Variants in STAG1 observed in about 807,000 individuals in gnomAD.
STAG1 encodes the protein STAG1 cohesin complex component, also known as cohesin subunit SA-1.
In STAG1, 26 loss-of-function variants were observed where a neutral mutation model predicts 170.9. That is an observed-to-expected ratio of 0.15 (90% CI 0.11 to 0.21). The LOEUF (loss-of-function observed/expected upper bound fraction) is 0.21, where lower values mean the gene tolerates loss of function less well. Ranked by LOEUF, STAG1 falls within the 10% of genes least tolerant of loss-of-function variation. The pLI is 1.00. For missense variants in STAG1, 964 were observed against 1,509.5 expected (o/e 0.64, Z 5.99); for synonymous variants, 514 against 497.7 (o/e 1.03, Z -0.44).
chr3:136,732,045 G>A (rs1415330658), intron 1 of STAG1, among the ~76,000 whole-genome samples: 1 of 151,974 alleles, frequency 6.6e-6, no homozygotes, highest in African/African-American at 2.4e-5. Flanking sequence ...GGAAATCTTG[G>A]AAACCAGCTA....
rs574029206 is a variant in STAG1, at chr3:136,547,197, C to T, written c.395-5002G>A. On this transcript the variant is annotated intron_variant, in intron 5 of 33. Coordinates refer to ENST00000383202, the MANE Select transcript of STAG1 (RefSeq NM_005862.3). Reference sequence around the variant, plus strand: ...AAGTTACAAAGATAGTATAGAGATCCCATACACATCAGATTCAGTATCCCT... The same window carrying T: ...AAGTTACAAAGATAGTATAGAGATCTCATACACATCAGATTCAGTATCCCT... Among the ~76,000 whole-genome samples the T allele has an allele frequency of 5.3e-5, 8 of 152,176 alleles. No individual in the cohort carries two copies. The South Asian group carries it at 1.7e-3, about 32-fold the overall frequency.
intron 1 of STAG1, among the ~76,000 whole-genome samples, chr3:136,747,441 C>A (rs1377007103): frequency 6.6e-6 from 1 of 152,178 alleles, no homozygotes; most frequent in East Asian, 1.9e-4. Context: ...GTAATCCCAG[C>A]ACCTTGGGAG....
intron 2 of STAG1, 128 bp downstream of exon 2, chr3:136,630,742 C>CA (rs1369045505): frequency 1.4e-5 from 10 of 733,712 alleles, no homozygotes; most frequent in Non-Finnish European, 2.3e-5. Flanking sequence ...ACTTACACTG[C>CA]AAAGATATTG....
chr3:136,714,939 ATAT>A (rs1943481665), intron 1 of STAG1, among the ~76,000 whole-genome samples: 1 of 53,450 alleles, frequency 1.9e-5, no homozygotes, highest in Non-Finnish European at 3.1e-5. Flanking sequence ...TATATATTAA[ATAT>A]ATATATATAT....
At chr3:136,521,456 T>C (rs374860556) in intron 6 of STAG1, 39 bp from the exon 7 acceptor site, 7 of 1,580,146 alleles carry the variant, frequency 4.4e-6, no homozygotes, top group South Asian at 2.3e-5. Context: ...TATGTCACAT[T>C]ACAGAGTTTG....
At position 136,422,875 on chromosome 3, in the gene STAG1, GA is replaced by G. The variant is rs2088000034; in HGVS notation, c.1744-19del. The G allele has an allele frequency of 6.3e-7, 1 of 1,595,370 alleles. No homozygotes were observed. ...GCAGAATACTAGAAGGAGAAGCAAA[GA>G]AAAAGACAGTAACTACTTTAATAGT... On this transcript the variant is annotated intron_variant, in intron 17 of 33. Transcript: ENST00000383202.
chr3:136,671,759 G>A (rs2107876384), intron 1 of STAG1, among the ~76,000 whole-genome samples: 1 of 152,238 alleles, frequency 6.6e-6, no homozygotes, highest in South Asian at 2.1e-4. Context: ...GTGTGCACCT[G>A]TAGTTCGTGT....
chr3:136,740,216 C>A (rs931645914), intron 1 of STAG1, among the ~76,000 whole-genome samples: 2 of 152,038 alleles, frequency 1.3e-5, no homozygotes, highest in African/African-American at 4.8e-5. Context: ...GCACTCCAGC[C>A]CGGGCAACAA....
chr3:136,678,867 G>A (rs796385456), intron 1 of STAG1, among the ~76,000 whole-genome samples: 10,318 of 119,198 alleles, frequency 0.087, 414 homozygotes, highest in Non-Finnish European at 0.11. Context: ...AAAAAAAAAA[G>A]AAAAAGAAGA....
At chr3:136,462,407 G>A (rs1388761241) in intron 13 of STAG1, among the ~76,000 whole-genome samples, 1 of 152,116 alleles carries the variant, frequency 6.6e-6, no homozygotes, top group Non-Finnish European at 1.5e-5. Flanking sequence ...GGAACTAGAT[G>A]ACATTATGTT....
chr3:136,611,616 A>G (rs1939282091), intron 3 of STAG1, among the ~76,000 whole-genome samples: 1 of 140,546 alleles, frequency 7.1e-6, no homozygotes, highest in Admixed American at 7.3e-5. Flanking sequence ...AGCCTAAGCC[A>G]CCTAAGTAGT....
At chr3:136,728,107 C>G (rs963244026) in intron 1 of STAG1, among the ~76,000 whole-genome samples, 2 of 151,734 alleles carry the variant, frequency 1.3e-5, no homozygotes, top group African/African-American at 4.8e-5. Context: ...TGCAGTAAGC[C>G]GAGGTTGCGC....
intron 1 of STAG1, among the ~76,000 whole-genome samples, chr3:136,669,313 C>T (rs765357328): frequency 8.5e-5 from 13 of 152,066 alleles, no homozygotes; most frequent in Non-Finnish European, 1.6e-4. Context: ...CATTAATGGT[C>T]GTTGTTGTTT....
At chr3:136,528,962 A>C (rs1935221230) in intron 6 of STAG1, among the ~76,000 whole-genome samples, 1 of 151,920 alleles carries the variant, frequency 6.6e-6, no homozygotes, top group Admixed American at 6.6e-5. Flanking sequence ...ACAAAAAAAA[A>C]CAGAAAACAA....
At chr3:136,486,238 T>C (rs1457387401) in intron 9 of STAG1, among the ~76,000 whole-genome samples, 1 of 152,214 alleles carries the variant, frequency 6.6e-6, no homozygotes, top group Non-Finnish European at 1.5e-5. Context: ...AGTGAAATTA[T>C]TGGGTTAGAA....
intron 5 of STAG1, among the ~76,000 whole-genome samples, chr3:136,547,904 G>C (rs1936225387): frequency 6.6e-6 from 1 of 152,078 alleles, no homozygotes; most frequent in African/African-American, 2.4e-5. Context: ...TAAAGTGTAA[G>C]GTAAGGGTCC....
chr3:136,426,942 C>T (rs1179322653), intron 16 of STAG1, among the ~76,000 whole-genome samples: 5 of 151,980 alleles, frequency 3.3e-5, no homozygotes, highest in Non-Finnish European at 7.4e-5. Context: ...CGCCTGTAGT[C>T]ACAGTTACTT....
intron 5 of STAG1, among the ~76,000 whole-genome samples, chr3:136,547,144 A>C (rs1458157482): frequency 2.0e-5 from 3 of 152,168 alleles, no homozygotes; most frequent in African/African-American, 4.8e-5. Context: ...TATGCTTTCT[A>C]TTTTAGAATA....
intron 5 of STAG1, among the ~76,000 whole-genome samples, chr3:136,549,266 GAATT>G (rs970749529): frequency 2.0e-5 from 3 of 151,818 alleles, no homozygotes; most frequent in African/African-American, 4.8e-5. Flanking sequence ...TTACTTTGCC[GAATT>G]GATTGATGAA....
Sources: allele counts gnomAD v4.1 joint callset (sites outside exome capture counted in the v4.1 genomes callset), GRCh38; gene constraint gnomAD v4.1.1; transcripts MANE v1.5; gene names NCBI Gene and HGNC (gene_info 2026-07-23, HGNC 2026-07-21).